NTNG1: variants seen among roughly 807,000 people sequenced by gnomAD.
NTNG1 encodes netrin-G1.
In NTNG1, 16 loss-of-function variants were observed where a neutral mutation model predicts 54.0. That is an observed-to-expected ratio of 0.30 (90% CI 0.20 to 0.45). The LOEUF is 0.45. NTNG1 is among the 20% of genes least tolerant of loss of function. The pLI is 1.00. For missense variants in NTNG1, 530 were observed against 678.7 expected (o/e 0.78, Z 2.43); for synonymous variants, 255 against 263.1 (o/e 0.97, Z 0.30).
At chr1:107,250,722 G>GA (rs1434783260) in intron 2 of NTNG1, among the ~76,000 whole-genome samples, 1 of 3,370 alleles carries the variant, frequency 3.0e-4, no homozygotes, top group Non-Finnish European at 6.4e-3. Context: ...CAAGAGGGTC[G>GA]GCCCTGCGTC....
intron 2 of NTNG1, among the ~76,000 whole-genome samples, chr1:107,276,355 C>T (rs1664473418): frequency 6.6e-6 from 1 of 152,124 alleles, no homozygotes; most frequent in Non-Finnish European, 1.5e-5. Context: ...AAGTCACTGT[C>T]AGCTCTGACC....
intron 1 of NTNG1, among the ~76,000 whole-genome samples, chr1:107,142,811 C>G (rs1305210234): frequency 6.7e-6 from 1 of 150,366 alleles, no homozygotes; most frequent in Non-Finnish European, 1.5e-5. Flanking sequence ...TTGTTTGTCC[C>G]TTGAGGAGGA....
chr1:107,181,430 G>C (rs1300295068), intron 2 of NTNG1, among the ~76,000 whole-genome samples: 2 of 152,146 alleles, frequency 1.3e-5, no homozygotes, highest in African/African-American at 2.4e-5. Context: ...GTTGTGTAAA[G>C]TGCAATTTTA....
At chr1:107,206,242 C>T (rs893548720) in intron 2 of NTNG1, among the ~76,000 whole-genome samples, 2 of 152,150 alleles carry the variant, frequency 1.3e-5, no homozygotes, top group African/African-American at 4.8e-5. Context: ...TTCCCTATCC[C>T]ATCAACACTA....
At chr1:107,171,645 G>A (rs766095851) in intron 2 of NTNG1, among the ~76,000 whole-genome samples, 6 of 152,090 alleles carry the variant, frequency 3.9e-5, no homozygotes, top group Non-Finnish European at 8.8e-5. Flanking sequence ...TACTGCAGTC[G>A]TCCTCAGTAT....
At chr1:107,365,064 C>T (rs932431068) in intron 3 of NTNG1, among the ~76,000 whole-genome samples, 4 of 152,088 alleles carry the variant, frequency 2.6e-5, no homozygotes, top group Non-Finnish European at 4.4e-5. Context: ...ATTAATTTCA[C>T]CTGTTACTTT....
intron 2 of NTNG1, among the ~76,000 whole-genome samples, chr1:107,220,743 A>G (rs1034205605): frequency 6.6e-6 from 1 of 152,220 alleles, no homozygotes; most frequent in Non-Finnish European, 1.5e-5. Flanking sequence ...TGCCTAATGG[A>G]TCTTTATCAT....
chr1:107,264,203 CT>C (rs1173749147), intron 2 of NTNG1, among the ~76,000 whole-genome samples: 1 of 152,126 alleles, frequency 6.6e-6, no homozygotes, highest in African/African-American at 2.4e-5. Context: ...GCCACACCCC[CT>C]CCCCTCACCA....
chr1:107,205,577 G>A (rs6684385), intron 2 of NTNG1, among the ~76,000 whole-genome samples: 138,318 of 152,096 alleles, frequency 0.91, 64,293 homozygotes, highest in Non-Finnish European at 1. Flanking sequence ...CACAAATCCT[G>A]AATATTTTCT....
chr1:107,326,654 G>C (rs1412657693), intron 3 of NTNG1, among the ~76,000 whole-genome samples: 1 of 151,950 alleles, frequency 6.6e-6, no homozygotes, highest in Admixed American at 6.6e-5. Context: ...ACATTGCTCG[G>C]TAGATTCATC....
chr1:107,231,645 AAGATAACCAAAC>A (rs1661078359), intron 2 of NTNG1, among the ~76,000 whole-genome samples: 1 of 152,090 alleles, frequency 6.6e-6, no homozygotes, highest in South Asian at 2.1e-4. Context: ...CACAGAAGGG[AAGATAACCAAAC>A]AGATGAACTC....
chr1:107,147,276 G>A (rs186474814), intron 1 of NTNG1, among the ~76,000 whole-genome samples: 11 of 152,192 alleles, frequency 7.2e-5, no homozygotes, highest in Admixed American at 2.6e-4. Context: ...TTTTATGTGT[G>A]CATTTTAAAT....
chr1:107,236,662 T>C (rs886081786), intron 2 of NTNG1, among the ~76,000 whole-genome samples: 1 of 152,204 alleles, frequency 6.6e-6, no homozygotes, highest in African/African-American at 2.4e-5. Context: ...GGGAGGTAAT[T>C]GACTCATGTG....
intron 2 of NTNG1, among the ~76,000 whole-genome samples, chr1:107,323,138 A>G (rs1035317553): frequency 1.3e-5 from 2 of 151,946 alleles, no homozygotes; most frequent in Non-Finnish European, 2.9e-5. Flanking sequence ...AAAGAAACCT[A>G]ATTGTAATTA....
At chr1:107,314,688 G>T (rs926810158) in intron 2 of NTNG1, among the ~76,000 whole-genome samples, 2 of 152,148 alleles carry the variant, frequency 1.3e-5, no homozygotes, top group Admixed American at 1.3e-4. Flanking sequence ...CTCCGCTGAG[G>T]TCTAAACGCA....
chr1:107,244,731 G>GCT (rs541392888), intron 2 of NTNG1, among the ~76,000 whole-genome samples: 8 of 152,132 alleles, frequency 5.3e-5, no homozygotes, highest in African/African-American at 1.7e-4. Context: ...TGCCAATCTA[G>GCT]CTCTCTCTCT....
Position 107,464,577 on chromosome 1 carries a change from A to G in NTNG1, c.1391-16034A>G, listed in dbSNP as rs117176266. On this transcript the variant is annotated intron_variant, in intron 7 of 7. Transcript: ENST00000370068. Reference sequence around the variant, plus strand: ...GCTTGCACGGAACAACAAGTGAAAAACAATTAGAACCCTGGAAGATAAAAC... The same window carrying G: ...GCTTGCACGGAACAACAAGTGAAAAGCAATTAGAACCCTGGAAGATAAAAC... Among the ~76,000 whole-genome samples the G allele has an allele frequency of 4.0e-4, 61 of 152,280 alleles. No individual in the cohort carries two copies. The East Asian group carries it at 0.011, about 26-fold the overall frequency.
intron 2 of NTNG1, among the ~76,000 whole-genome samples, chr1:107,260,324 C>G (rs1042374815): frequency 6.6e-6 from 1 of 152,184 alleles, no homozygotes; most frequent in Non-Finnish European, 1.5e-5. Flanking sequence ...CCTCTTCTCG[C>G]TGGCTACTTT....
intron 2 of NTNG1, among the ~76,000 whole-genome samples, chr1:107,251,505 T>C (rs1414518583): frequency 1.3e-5 from 2 of 152,228 alleles, no homozygotes; most frequent in African/African-American, 4.8e-5. Context: ...CTTTTGCATC[T>C]AGTTAACAAA....
Sources: gnomAD v4.1 joint callset for allele counts (sites outside exome capture counted in the v4.1 genomes callset) on GRCh38, gnomAD v4.1.1 for gene constraint, MANE v1.5 for transcripts, NCBI Gene and HGNC (gene_info 2026-07-23, HGNC 2026-07-21) for gene names.